HYDIN: variants seen among roughly 807,000 people sequenced by gnomAD.
The protein encoded by HYDIN is HYDIN axonemal central pair apparatus protein, also known as axonemal central pair apparatus protein HYDIN.
In HYDIN, 132 loss-of-function variants were observed where a neutral mutation model predicts 403.9. The ratio of observed to expected loss-of-function variants is 0.33; its 90% CI spans 0.28 to 0.38. HYDIN has a LOEUF of 0.38. Ranked by LOEUF, HYDIN falls within the 10% of genes least tolerant of loss-of-function variation. The pLI, the probability that HYDIN is intolerant of heterozygous loss-of-function variation, is 1.00. For missense variants in HYDIN, 2,827 were observed against 5,009.5 expected, an observed-to-expected ratio of 0.56 and a Z score of 13.15; for synonymous variants, 1,202 against 1,891.7, an observed-to-expected ratio of 0.64 and a Z score of 9.46.
chr16:70,959,872 C>T (rs1798348), intron 38 of HYDIN, 52 bp from the exon 39 acceptor site: 6 of 537,008 alleles, frequency 1.1e-5, no homozygotes, highest in South Asian at 9.4e-5. Flanking sequence ...TGCTACACAG[C>T]CGGAATTTAC....
At chr16:71,188,609 A>G (rs1228011097) in intron 1 of HYDIN, among the ~76,000 whole-genome samples, 1 of 152,172 alleles carries the variant, frequency 6.6e-6, no homozygotes, top group African/African-American at 2.4e-5. Context: ...TAGCACAAAA[A>G]CCATCCATAT....
chr16:71,222,394 A>T (rs748641150), intron 1 of HYDIN, among the ~76,000 whole-genome samples: 15 of 152,168 alleles, frequency 9.9e-5, no homozygotes, highest in Non-Finnish European at 2.2e-4. Context: ...GAATGCAGAA[A>T]AGTTGAAAGC....
At chr16:71,221,835 C>T (rs2089216975) in intron 1 of HYDIN, among the ~76,000 whole-genome samples, 1 of 152,110 alleles carries the variant, frequency 6.6e-6, no homozygotes, top group Non-Finnish European at 1.5e-5. Flanking sequence ...TAAGTTTGGC[C>T]TAAAGGTTTC....
intron 4 of HYDIN, among the ~76,000 whole-genome samples, chr16:71,178,430 A>ATATATATATATATATATATATGTATAT (rs1555501877): frequency 1.0e-3 from 121 of 118,420 alleles, no homozygotes; most frequent in Non-Finnish European, 2.7e-4. Context: ...AAAAAAAAAA[A>ATATATATATATATATATATATGTATAT]AAAAATATAT....
intron 75 of HYDIN, among the ~76,000 whole-genome samples, chr16:70,842,968 T>G (rs545132912): frequency 3.9e-5 from 6 of 152,112 alleles, no homozygotes; most frequent in African/African-American, 1.4e-4. Context: ...AACATCTACA[T>G]TTAAAACAAT....
rs2076974242 is a variant in HYDIN at position 70,920,851 on chromosome 16, T to A, written c.7525A>T (p.Lys2509Ter). 1 of 1,592,608 alleles carries A rather than the reference T, an allele frequency of 6.3e-7. No individual in the cohort carries two copies. Residue 2509 changes from lysine (K) to a stop codon, truncating the protein, a stop_gained, in exon 46 of 86, where the codon AAG (lysine) becomes TAG (stop). Coordinates refer to ENST00000393567, the MANE Select transcript of HYDIN (RefSeq NM_001270974.2). LOFTEE classifies it high-confidence loss of function. ...TCCAGGCGCTCTCTCTCCCGGTCCT[T>A]GCGGCCCCTGCGCCCACCCAAGGGG... is the stretch of plus-strand genomic sequence containing the variant. ...QVPLGGRRGR[K>*]DRERERLEKE...
chr16:71,201,280 T>C (rs2087994399), intron 1 of HYDIN, among the ~76,000 whole-genome samples: 1 of 152,182 alleles, frequency 6.6e-6, no homozygotes, highest in African/African-American at 2.4e-5. Context: ...TGGCATAGAG[T>C]CAATAAATAT....
intron 6 of HYDIN, among the ~76,000 whole-genome samples, chr16:71,158,316 G>A (rs4523936): frequency 3.8e-3 from 567 of 151,086 alleles, no homozygotes; most frequent in Middle Eastern, 0.01. Flanking sequence ...ACAAATCCTG[G>A]CCAGTCCCTG....
chr16:70,938,739 T>G lies in HYDIN; in HGVS notation c.6870A>C (p.Gly2290=), dbSNP rs376018008. 2 of 1,614,052 alleles carry G rather than the reference T, an allele frequency of 1.2e-6. No homozygotes were observed. The highest frequency in any genetic ancestry group is 3.3e-5 in the Admixed American group (2 of 60,014). ...GACGCTCCTTCTCTTTCTCAAGAGC[T>G]CCCTTGTGCTTGCGTTCTGTGAGGG... is the stretch of plus-strand genomic sequence containing the variant. ...KKEQEERKHK[G]ALEKEKERLQ... The change falls in exon 44 of 86, where the codon GGA becomes GGC. Residue 2290 remains glycine (G), a synonymous_variant. Transcript: ENST00000393567.
At chr16:71,004,188 CCTGTAATCTCAGCTA>C (rs2079816099) in intron 23 of HYDIN, among the ~76,000 whole-genome samples, 1 of 151,858 alleles carries the variant, frequency 6.6e-6, no homozygotes, top group Non-Finnish European at 1.5e-5. Flanking sequence ...GTGGCGCATG[CCTGTAATCTCAGCTA>C]CTCAGGAGGC....
At chr16:71,165,680 G>T (rs1367829287) in intron 5 of HYDIN, among the ~76,000 whole-genome samples, 1 of 151,994 alleles carries the variant, frequency 6.6e-6, no homozygotes, top group Admixed American at 6.6e-5. Flanking sequence ...GATGAGTGAC[G>T]GGAAATAAAT....
intron 64 of HYDIN, among the ~76,000 whole-genome samples, chr16:70,872,528 T>C (rs2040190635): frequency 6.9e-6 from 1 of 145,236 alleles, no homozygotes; most frequent in Non-Finnish European, 1.5e-5. Context: ...CATCCATCCA[T>C]CCATCATCCA....
At chr16:71,115,672 T>C in intron 10 of HYDIN, 24 bp downstream of exon 10, 1 of 854,280 alleles carries the variant, frequency 1.2e-6, no homozygotes, top group Non-Finnish European at 2.0e-6. Context: ...TAACCTGAGT[T>C]TACCACTTGG....
chr16:71,114,721 C>CT (rs1227395366), intron 10 of HYDIN, among the ~76,000 whole-genome samples: 6 of 129,332 alleles, frequency 4.6e-5, no homozygotes, highest in African/African-American at 1.8e-4. Flanking sequence ...ATTGACAACT[C>CT]TAATTCCATT....
chr16:71,073,335 T>C (rs2082528206), intron 13 of HYDIN, among the ~76,000 whole-genome samples: 1 of 152,196 alleles, frequency 6.6e-6, no homozygotes, highest in South Asian at 2.1e-4. Flanking sequence ...ACAAGTTGTT[T>C]TGGGCATGCT....
At chr16:70,870,477 C>T (rs1380026619) in intron 65 of HYDIN, among the ~76,000 whole-genome samples, 2 of 151,432 alleles carry the variant, frequency 1.3e-5, no homozygotes, top group East Asian at 2.0e-4. Context: ...ATCCCAGCCA[C>T]TCTGGTCATG....
rs181614102 is a variant in HYDIN at position 71,195,082 on chromosome 16, G to A, written c.-23-8164C>T. 5.9e-5 allele frequency among the ~76,000 whole-genome samples: 9 copies of A among 152,264 alleles called. No homozygotes were observed. In the East Asian group the frequency reaches 9.6e-4, roughly 16 times the overall value. On this transcript the variant is annotated intron_variant, in intron 1 of 85. Coordinates refer to ENST00000393567, the MANE Select transcript of HYDIN (RefSeq NM_001270974.2). The stretch of plus-strand genomic sequence containing the variant: ...AAATAGGCCACACATTTACATGAAT[G>A]TAAATACCAGAAAGTGATAATAACT...
At chr16:71,145,613 T>C (rs953236059) in intron 7 of HYDIN, among the ~76,000 whole-genome samples, 3 of 152,136 alleles carry the variant, frequency 2.0e-5, no homozygotes, top group African/African-American at 4.8e-5. Context: ...CAGCAGTATA[T>C]ATGTAAGTAT....
intron 29 of HYDIN, among the ~76,000 whole-genome samples, chr16:70,979,574 T>C (rs1014303728): frequency 3.9e-5 from 6 of 152,196 alleles, no homozygotes; most frequent in African/African-American, 7.2e-5. Context: ...CCCACCCGAA[T>C]TTACCACTAC....
Sources: gnomAD v4.1 joint callset for allele counts (sites outside exome capture counted in the v4.1 genomes callset) on GRCh38, gnomAD v4.1.1 for gene constraint, MANE v1.5 for transcripts, NCBI Gene and HGNC (gene_info 2026-07-23, HGNC 2026-07-21) for gene names.